SORCS2: variants seen among roughly 807,000 people sequenced by gnomAD.
The protein encoded by SORCS2 is sortilin related VPS10 domain containing receptor 2.
In SORCS2, 100 loss-of-function variants were observed where a neutral mutation model predicts 141.6. That is an observed-to-expected ratio of 0.71 (90% confidence interval 0.60 to 0.83). SORCS2 has a LOEUF of 0.83. Among genes scored for constraint, SORCS2 ranks in the 40% least tolerant of loss-of-function variants. The pLI, the probability that SORCS2 is intolerant of heterozygous loss-of-function variation, is 0.00. For synonymous variants in SORCS2, 789 were observed against 676.9 expected (o/e 1.17, Z -2.57); for missense variants, 1,646 against 1,560.2 (o/e 1.05, Z -0.93).
chr4:7,417,497 C>T (rs1298404640), intron 2 of SORCS2, among the ~76,000 whole-genome samples: 1 of 152,232 alleles, frequency 6.6e-6, no homozygotes, highest in African/African-American at 2.4e-5. Context: ...GCATGGGCAC[C>T]CTAATTCTGG....
chr4:7,679,499 T>C (rs1185305915), intron 9 of SORCS2, among the ~76,000 whole-genome samples: 2 of 152,216 alleles, frequency 1.3e-5, no homozygotes, highest in African/African-American at 4.8e-5. Flanking sequence ...CAAGGGACTC[T>C]AAATGCAATC....
chr4:7,607,054 GCCC>G (rs1167456494), intron 3 of SORCS2, among the ~76,000 whole-genome samples: 1 of 152,128 alleles, frequency 6.6e-6, no homozygotes, highest in Non-Finnish European at 1.5e-5. Context: ...GAGGCAGAAA[GCCC>G]CCGTCAATTT....
chr4:7,524,210 T>G (rs1733516740), intron 2 of SORCS2, among the ~76,000 whole-genome samples: 1 of 152,214 alleles, frequency 6.6e-6, no homozygotes, highest in South Asian at 2.1e-4. Context: ...GAAATCAGCC[T>G]GGCTTTAGGG....
intron 1 of SORCS2, among the ~76,000 whole-genome samples, chr4:7,361,338 C>G (rs1256142627): frequency 2.0e-5 from 3 of 152,204 alleles, no homozygotes; most frequent in Admixed American, 6.5e-5. Flanking sequence ...CACCCCTTGA[C>G]AAGAAGGAGA....
At chr4:7,334,529 G>A (rs1160156001) in intron 1 of SORCS2, among the ~76,000 whole-genome samples, 1 of 152,204 alleles carries the variant, frequency 6.6e-6, no homozygotes, top group Non-Finnish European at 1.5e-5. Flanking sequence ...TGCTCAGTGA[G>A]CATGCTTGAG....
At chr4:7,450,420 A>G (rs1280187480) in intron 2 of SORCS2, among the ~76,000 whole-genome samples, 1 of 152,156 alleles carries the variant, frequency 6.6e-6, no homozygotes, top group Non-Finnish European at 1.5e-5. Flanking sequence ...GTCAACCATC[A>G]CGGTTGAGTG....
chr4:7,734,895 C>T (rs770341977), intron 25 of SORCS2, among the ~76,000 whole-genome samples: 3 of 152,190 alleles, frequency 2.0e-5, no homozygotes, highest in Non-Finnish European at 4.4e-5. Context: ...TGGGTGTCCC[C>T]GTGAGGGAGC....
chr4:7,267,863 C>G (rs911757769), intron 1 of SORCS2, among the ~76,000 whole-genome samples: 2 of 152,162 alleles, frequency 1.3e-5, no homozygotes, highest in Non-Finnish European at 2.9e-5. Context: ...TCTGGGTCAT[C>G]GGGGGTCTGT....
At chr4:7,582,962 G>T (rs541101130) in intron 3 of SORCS2, among the ~76,000 whole-genome samples, 33 of 152,286 alleles carry the variant, frequency 2.2e-4, no homozygotes, top group Middle Eastern at 6.8e-3. Flanking sequence ...CTTGAACACA[G>T]GGCTGTGGCT....
chr4:7,227,654 C>T (rs527915705), intron 1 of SORCS2, among the ~76,000 whole-genome samples: 5 of 152,228 alleles, frequency 3.3e-5, no homozygotes, highest in East Asian at 3.9e-4. Flanking sequence ...GCCAGGGAGT[C>T]GTTTCCCAGC....
intron 3 of SORCS2, among the ~76,000 whole-genome samples, chr4:7,545,898 A>C (rs1713226114): frequency 6.6e-6 from 1 of 152,232 alleles, no homozygotes; most frequent in East Asian, 1.9e-4. Flanking sequence ...CTGGGGTTTG[A>C]AAGTCCAACA....
chr4:7,587,765 T>G lies in SORCS2; in HGVS notation c.649-50563T>G, dbSNP rs539571066. ...GTAAACTGGCCCGTCAGGGACTGTT[T>G]GCCCCCTCTTTCCAGCTGCAGGGCC... On this transcript the variant is annotated intron_variant, in intron 3 of 26. Coordinates refer to ENST00000507866, the MANE Select transcript of SORCS2 (RefSeq NM_020777.3). Among the ~76,000 whole-genome samples, 29 of 152,276 alleles carry G rather than the reference T, an allele frequency of 1.9e-4. No homozygotes were observed. In the East Asian group the frequency reaches 5.6e-3, roughly 29 times the overall value.
chr4:7,724,105 A>AGTG (rs1264158350), intron 19 of SORCS2, among the ~76,000 whole-genome samples: 15 of 136,064 alleles, frequency 1.1e-4, no homozygotes, highest in African/African-American at 4.4e-4. Context: ...TATTGATGAT[A>AGTG]GTGGTGGTGA....
intron 1 of SORCS2, among the ~76,000 whole-genome samples, chr4:7,209,669 C>T (rs539836482): frequency 1.3e-3 from 193 of 150,538 alleles, no homozygotes; most frequent in African/African-American, 4.5e-3. Context: ...TTTGAGATCA[C>T]TTCCAATCTG....
At chr4:7,393,115 T>G (rs1366959117) in intron 1 of SORCS2, among the ~76,000 whole-genome samples, 2 of 152,226 alleles carry the variant, frequency 1.3e-5, no homozygotes, top group East Asian at 3.9e-4. Context: ...GACGAGCCTT[T>G]GAAGTGATGA....
intron 3 of SORCS2, among the ~76,000 whole-genome samples, chr4:7,628,673 G>A (rs149868757): frequency 4.3e-4 from 65 of 152,158 alleles, no homozygotes; most frequent in African/African-American, 1.3e-3. Flanking sequence ...ATGTGGCCTC[G>A]TGCGGGATCG....
intron 3 of SORCS2, among the ~76,000 whole-genome samples, chr4:7,617,406 T>G (rs1347358373): frequency 6.6e-6 from 1 of 152,076 alleles, no homozygotes; most frequent in Non-Finnish European, 1.5e-5. Context: ...TTTCCTTCCA[T>G]CCATCCAGAA....
At chr4:7,500,598 G>A (rs1474255289) in intron 2 of SORCS2, among the ~76,000 whole-genome samples, 4 of 149,146 alleles carry the variant, frequency 2.7e-5, no homozygotes, top group African/African-American at 1.0e-4. Context: ...CCAGTGTGCC[G>A]GCTGGAGAAA....
chr4:7,562,156 G>A (rs7689754), intron 3 of SORCS2, among the ~76,000 whole-genome samples: 60,780 of 152,072 alleles, frequency 0.4, 13,746 homozygotes, highest in African/African-American at 0.62. Flanking sequence ...ATTATCACTA[G>A]CTAGTAATTG....
Sources: gnomAD v4.1 joint callset for allele counts (sites outside exome capture counted in the v4.1 genomes callset) on GRCh38, gnomAD v4.1.1 for gene constraint, MANE v1.5 for transcripts, NCBI Gene and HGNC (gene_info 2026-07-23, HGNC 2026-07-21) for gene names.